The following CADM2 variants were observed in gnomAD, a reference collection of about 807,000 sequenced individuals.
CADM2 encodes the protein immunoglobulin superfamily member 4D.
CADM2 carries 12 observed loss-of-function variants against 49.8 expected under a neutral mutation model. That is an observed-to-expected ratio of 0.24 (90% CI 0.15 to 0.39). The LOEUF (loss-of-function observed/expected upper bound fraction) is 0.39. Among genes scored for constraint, CADM2 ranks in the 10% least tolerant of loss-of-function variants. The probability of loss-of-function intolerance (pLI) is 1.00; values close to 1 mark genes in which losing one functional copy is unlikely to be tolerated. For synonymous variants in CADM2, 214 were observed against 175.4 expected (o/e 1.22, Z -1.74); for missense variants, 378 against 492.3 (o/e 0.77, Z 2.20).
intron 7 of CADM2, among the ~76,000 whole-genome samples, chr3:85,951,002 T>C (rs1723363251): frequency 6.6e-6 from 1 of 151,034 alleles, no homozygotes; most frequent in Non-Finnish European, 1.5e-5. Context: ...GAAGTACTGA[T>C]AGTGATGTTT....
intron 8 of CADM2, among the ~76,000 whole-genome samples, chr3:86,040,800 T>C (rs1470021536): frequency 6.6e-6 from 1 of 151,808 alleles, no homozygotes; most frequent in Non-Finnish European, 1.5e-5. Flanking sequence ...AAAATTGAAA[T>C]GAAGGAAAAA....
chr3:85,854,970 A>G (rs1016959106), intron 3 of CADM2, among the ~76,000 whole-genome samples: 1 of 152,096 alleles, frequency 6.6e-6, no homozygotes, highest in African/African-American at 2.4e-5. Context: ...GACTTATTCC[A>G]TAGTAAGAAG....
chr3:85,271,679 C>T (rs2043246800), intron 1 of CADM2, among the ~76,000 whole-genome samples: 1 of 150,726 alleles, frequency 6.6e-6, no homozygotes, highest in Non-Finnish European at 1.5e-5. Flanking sequence ...CTCAGTCATT[C>T]CCAGACTTTA....
At chr3:85,439,247 A>G (rs905894281) in intron 1 of CADM2, among the ~76,000 whole-genome samples, 24 of 150,698 alleles carry the variant, frequency 1.6e-4, no homozygotes, top group African/African-American at 5.4e-4. Flanking sequence ...TCCACCTCCC[A>G]GGTTCATGCG....
At chr3:85,584,255 A>G (rs183863371) in intron 1 of CADM2, among the ~76,000 whole-genome samples, 22 of 152,222 alleles carry the variant, frequency 1.4e-4, no homozygotes, top group Admixed American at 1.4e-3. Flanking sequence ...GTGTCAGGAA[A>G]GCAGTCTGTA....
At chr3:85,584,544 G>T (rs1267729681) in intron 1 of CADM2, among the ~76,000 whole-genome samples, 1 of 152,020 alleles carries the variant, frequency 6.6e-6, no homozygotes, top group Admixed American at 6.6e-5. Flanking sequence ...GTTTCCTAAA[G>T]ATGTGACATT....
At chr3:86,010,450 T>A (rs1219914011) in intron 8 of CADM2, among the ~76,000 whole-genome samples, 1 of 151,496 alleles carries the variant, frequency 6.6e-6, no homozygotes, top group South Asian at 2.1e-4. Flanking sequence ...CCTATAATGA[T>A]AATAGAAGAA....
At position 85,247,596 on chromosome 3, in the gene CADM2, A is replaced by C. The variant is rs1050176654; in HGVS notation, c.61+287928A>C. 4.1e-4 allele frequency among the ~76,000 whole-genome samples: 62 copies of C among 152,350 alleles called. 1 individual carries two copies. Among genetic ancestry groups the C allele is most frequent in the Middle Eastern group, 3.4e-3 (1 of 294 alleles). ...ATATTTCTATAAATGATTATAAATT[A>C]GGTGAGTAATCCTGATTGTATAATA... On this transcript the variant is annotated intron_variant, in intron 1 of 9. Transcript: ENST00000383699.
intron 1 of CADM2, among the ~76,000 whole-genome samples, chr3:85,106,120 A>G (rs1663137838): frequency 6.6e-6 from 1 of 152,134 alleles, no homozygotes; most frequent in South Asian, 2.1e-4. Flanking sequence ...AAAATAAAAT[A>G]AAGAAAGCTG....
chr3:85,162,847 C>G (rs1292141598), intron 1 of CADM2, among the ~76,000 whole-genome samples: 1 of 151,610 alleles, frequency 6.6e-6, no homozygotes, highest in Non-Finnish European at 1.5e-5. Flanking sequence ...GCATCCTTGG[C>G]AATAATACAT....
At chr3:85,938,219 A>AT (rs1373324986) in intron 7 of CADM2, among the ~76,000 whole-genome samples, 1 of 152,092 alleles carries the variant, frequency 6.6e-6, no homozygotes, top group African/African-American at 2.4e-5. Flanking sequence ...TGTAGTTTAT[A>AT]TACTATTTCC....
At chr3:86,027,107 G>T (rs186822293) in intron 8 of CADM2, among the ~76,000 whole-genome samples, 1 of 151,896 alleles carries the variant, frequency 6.6e-6, no homozygotes, top group Non-Finnish European at 1.5e-5. Context: ...CTAGTAACAG[G>T]GTTCATCATC....
At chr3:85,789,639 A>C (rs1427558814) in intron 2 of CADM2, among the ~76,000 whole-genome samples, 5 of 152,170 alleles carry the variant, frequency 3.3e-5, no homozygotes, top group African/African-American at 4.8e-5. Context: ...TCCTTGAAAA[A>C]TCATGTGTTC....
At chr3:85,206,807 T>C (rs2041654555) in intron 1 of CADM2, among the ~76,000 whole-genome samples, 1 of 152,120 alleles carries the variant, frequency 6.6e-6, no homozygotes. Flanking sequence ...GATTTATTAA[T>C]TTACAAACTT....
intron 1 of CADM2, among the ~76,000 whole-genome samples, chr3:85,576,756 A>C (rs2062642943): frequency 6.6e-6 from 1 of 152,142 alleles, no homozygotes; most frequent in African/African-American, 2.4e-5. Context: ...CCTAACCAAA[A>C]GTTTGAGAAA....
intron 1 of CADM2, among the ~76,000 whole-genome samples, chr3:85,265,166 G>A (rs965004412): frequency 1.3e-5 from 2 of 151,858 alleles, no homozygotes; most frequent in Non-Finnish European, 2.9e-5. Context: ...CTTTAAATTT[G>A]CATATTATAA....
intron 1 of CADM2, among the ~76,000 whole-genome samples, chr3:85,256,827 T>C (rs2042896950): frequency 6.6e-6 from 1 of 152,164 alleles, no homozygotes; most frequent in East Asian, 1.9e-4. Context: ...CAAACAGTTA[T>C]ATTTATCTAC....
chr3:85,103,544 G>A (rs1411720500), intron 1 of CADM2, among the ~76,000 whole-genome samples: 2 of 152,142 alleles, frequency 1.3e-5, no homozygotes, highest in Admixed American at 6.6e-5. Context: ...AACTTACACT[G>A]TAACTTGCCA....
At chr3:85,905,020 T>C (rs1472815035) in intron 5 of CADM2, among the ~76,000 whole-genome samples, 1 of 152,184 alleles carries the variant, frequency 6.6e-6, no homozygotes, top group Non-Finnish European at 1.5e-5. Flanking sequence ...GAAAAATGTT[T>C]ATGAATTGAA....
Sources: allele counts gnomAD v4.1 joint callset (sites outside exome capture counted in the v4.1 genomes callset), GRCh38; gene constraint gnomAD v4.1.1; transcripts MANE v1.5; gene names NCBI Gene and HGNC (gene_info 2026-07-23, HGNC 2026-07-21).